NIPSNAP3B: variants seen among roughly 807,000 people sequenced by gnomAD.
NIPSNAP3B encodes the protein nipsnap homolog 3B.
In NIPSNAP3B, 30 loss-of-function variants were observed where a neutral mutation model predicts 31.5. The ratio of observed to expected loss-of-function variants is 0.95; its 90% CI spans 0.71 to 1.29. The LOEUF (loss-of-function observed/expected upper bound fraction) is 1.29. Among genes scored for constraint, NIPSNAP3B ranks in the 50% most tolerant of loss-of-function variants. NIPSNAP3B has a pLI of 0.00. For synonymous variants in NIPSNAP3B, 106 were observed against 107.9 expected, an observed-to-expected ratio of 0.98 and a Z score of 0.11; for missense variants, 269 against 300.7, an observed-to-expected ratio of 0.89 and a Z score of 0.78.
At chr9:104,787,844 G>T in the NIPSNAP3B span, 1 of 1,613,506 alleles carries the variant, frequency 6.2e-7, no homozygotes. Flanking sequence ...AACAGCCCTG[G>T]ACATATAGGA....
chr9:104,772,838 G>A lies in NIPSNAP3B; in HGVS notation c.597G>A (p.Trp199Ter), dbSNP rs1337903686. The A allele has an allele frequency of 6.2e-7, 1 of 1,613,078 alleles. No individual in the cohort carries two copies. The highest frequency in any genetic ancestry group is 8.5e-7 in the Non-Finnish European group (1 of 1,179,552). The change falls in exon 5 of 6, where the codon TGG becomes TGA. Residue 199 changes from tryptophan (W) to a stop codon, truncating the protein, a stop_gained. Coordinates refer to ENST00000374762, the MANE Select transcript of NIPSNAP3B (RefSeq NM_018376.4). LOFTEE classifies it high-confidence loss of function. ...GELNRVHVLW[W>*]NESADSRAAG... ...TTTCTGCAGTTCATGTTCTTTGGTGGAATGAGAGTGCAGATAGTCGTGCAG... is the reference window on the plus strand; with the variant it reads ...TTTCTGCAGTTCATGTTCTTTGGTGAAATGAGAGTGCAGATAGTCGTGCAG...
chr9:104,770,889 G>C lies in NIPSNAP3B; in HGVS notation c.471G>C (p.Gly157=). 3 of 1,613,754 alleles carry C rather than the reference G, an allele frequency of 1.9e-6. No individual in the cohort carries two copies. Among genetic ancestry groups the C allele is most frequent in the Non-Finnish European group, 2.5e-6 (3 of 1,179,694 alleles). Residue 157 remains glycine (G), a synonymous_variant, in exon 4 of 6, where the codon GGG becomes GGC. Coordinates refer to ENST00000374762, the MANE Select transcript of NIPSNAP3B (RefSeq NM_018376.4). The part of the protein sequence containing the change: ...ELAVFQMKPG[G]PALWGDAFER... ...CTGTTTTTCAGATGAAACCTGGTGGGCCAGCTCTGTGGGGTGATGCATTTG... is the reference window on the plus strand; with the variant it reads ...CTGTTTTTCAGATGAAACCTGGTGGCCCAGCTCTGTGGGGTGATGCATTTG...
chr9:104,785,944 T>C, the NIPSNAP3B span, among the ~76,000 whole-genome samples: 2 of 152,198 alleles, frequency 1.3e-5, no homozygotes, highest in Non-Finnish European at 2.9e-5. Flanking sequence ...AGCTCATAAT[T>C]GGTAGGGCCA....
downstream of NIPSNAP3B, among the ~76,000 whole-genome samples, chr9:104,778,647 A>G (rs1287781279): frequency 6.6e-6 from 1 of 152,162 alleles, no homozygotes; most frequent in Non-Finnish European, 1.5e-5. Flanking sequence ...TCACCTTGCT[A>G]GCTCTCTTTC....
chr9:104,772,941 A>G (rs926482102), intron 5 of NIPSNAP3B, 33 bp downstream of exon 5: 1 of 1,613,952 alleles, frequency 6.2e-7, no homozygotes, highest in Non-Finnish European at 8.5e-7. Flanking sequence ...AATTATTTTT[A>G]GAACAAATGT....
At chr9:104,788,933 A>G in the NIPSNAP3B span, among the ~76,000 whole-genome samples, 1 of 152,216 alleles carries the variant, frequency 6.6e-6, no homozygotes, top group Non-Finnish European at 1.5e-5. Flanking sequence ...ACTCATATGC[A>G]CCATTCACAT....
downstream of NIPSNAP3B, among the ~76,000 whole-genome samples, chr9:104,777,804 A>G (rs935926634): frequency 4.7e-5 from 6 of 127,682 alleles, no homozygotes; most frequent in Admixed American, 5.0e-4. Flanking sequence ...AAGCAAAAAT[A>G]TAGATTTGCA....
At chr9:104,785,268 TAGGAATAGTAGATC>T in the NIPSNAP3B span, 49 of 1,265,350 alleles carry the variant, frequency 3.9e-5, no homozygotes, top group Admixed American at 8.4e-4. Context: ...AAAGCATAGC[TAGGAATAGTAGATC>T]AGGAATTCAA....
At chr9:104,768,217 G>A (rs1015258169) in intron 2 of NIPSNAP3B, among the ~76,000 whole-genome samples, 20 of 152,062 alleles carry the variant, frequency 1.3e-4, no homozygotes, top group African/African-American at 4.8e-4. Context: ...GGGTAACTTA[G>A]AAAGAAGAGA....
At chr9:104,767,181 T>G (rs1054447225) in intron 2 of NIPSNAP3B, among the ~76,000 whole-genome samples, 1 of 152,150 alleles carries the variant, frequency 6.6e-6, no homozygotes, top group African/African-American at 2.4e-5. Flanking sequence ...GATAGTTAAC[T>G]TTTAAGCGTC....
the NIPSNAP3B span, chr9:104,786,507 T>C: frequency 4.4e-6 from 4 of 917,966 alleles, no homozygotes; most frequent in Non-Finnish European, 5.3e-6. Context: ...TACAAGTACA[T>C]GTGGATATAG....
chr9:104,769,150 C>A, intron 3 of NIPSNAP3B, 129 bp downstream of exon 3: 3 of 639,942 alleles, frequency 4.7e-6, no homozygotes, highest in East Asian at 3.5e-5. Flanking sequence ...TATGATGAGT[C>A]TGGAGATAAA....
chr9:104,771,239 C>T (rs984608869), intron 4 of NIPSNAP3B: 1 of 362,712 alleles, frequency 2.8e-6, no homozygotes, highest in South Asian at 4.2e-5. Context: ...TTTAGGTTCA[C>T]GGGGTACATG....
At position 104,774,953 on chromosome 9, in the gene NIPSNAP3B, G is replaced by A. The variant is rs1476555781; in HGVS notation, c.*1880G>A. Among the ~76,000 whole-genome samples, 1 of 151,948 alleles carries A rather than the reference G, an allele frequency of 6.6e-6. No homozygotes were observed. Among genetic ancestry groups the A allele is most frequent in the Admixed American group, 6.6e-5 (1 of 15,248 alleles). On this transcript the variant is annotated 3_prime_UTR_variant, in exon 6 of 6. Coordinates refer to ENST00000374762, the MANE Select transcript of NIPSNAP3B (RefSeq NM_018376.4). ...TTAACAGAGAAAATAACAATCAGAAGAGTCTTCATAAGTTCCCACCCCGTC... is the reference window on the plus strand; with the variant it reads ...TTAACAGAGAAAATAACAATCAGAAAAGTCTTCATAAGTTCCCACCCCGTC...
At chr9:104,765,305 T>C (rs891504110) in intron 1 of NIPSNAP3B, among the ~76,000 whole-genome samples, 4 of 152,230 alleles carry the variant, frequency 2.6e-5, no homozygotes, top group Admixed American at 1.3e-4. Context: ...TGCGATAGAT[T>C]ATTCTGGGTA....
chr9:104,787,297 A>C, the NIPSNAP3B span, among the ~76,000 whole-genome samples: 1 of 152,164 alleles, frequency 6.6e-6, no homozygotes, highest in Non-Finnish European at 1.5e-5. Flanking sequence ...ATACAAAACA[A>C]CTTTTTGTCT....
rs1249498703 is a variant in NIPSNAP3B at position 104,773,874 on chromosome 9, T to G, written c.*801T>G. 4 of 152,238 alleles carry G rather than the reference T, an allele frequency of 2.6e-5. No individual in the cohort carries two copies. Among genetic ancestry groups the G allele is most frequent in the Non-Finnish European group, 5.9e-5 (4 of 68,042 alleles). The allele number at this position is 152,238 out of a possible 1,614,324, so 9.4% of individuals were successfully genotyped here. On this transcript the variant is annotated 3_prime_UTR_variant, in exon 6 of 6. Transcript: ENST00000374762. The stretch of plus-strand genomic sequence containing the variant: ...TTTTTAAATTCACATTTTATACTTA[T>G]ATGATCTCTAAAGCTCTTGCTATGT...
the NIPSNAP3B span, chr9:104,787,778 C>A: frequency 6.4e-7 from 1 of 1,565,636 alleles, no homozygotes; most frequent in South Asian, 1.1e-5. Flanking sequence ...GAGAAGCTTC[C>A]CTCTGCTTTT....
the NIPSNAP3B span, chr9:104,786,433 C>A: frequency 1.3e-6 from 2 of 1,545,622 alleles, no homozygotes; most frequent in South Asian, 1.1e-5. Context: ...GAGAGATTCT[C>A]TGTAACCATG....
Sources: gnomAD v4.1 joint callset for allele counts (sites outside exome capture counted in the v4.1 genomes callset) on GRCh38, gnomAD v4.1.1 for gene constraint, MANE v1.5 for transcripts, NCBI Gene and HGNC (gene_info 2026-07-23, HGNC 2026-07-21) for gene names.